Variants in GABRG3 observed in about 807,000 individuals in gnomAD.
GABRG3 encodes gamma-aminobutyric acid type A receptor subunit gamma3.
In GABRG3, 25 loss-of-function variants were observed where a neutral mutation model predicts 48.8. The observed-to-expected ratio is 0.51, with a 90% CI of 0.37 to 0.72. The LOEUF is 0.72. Among genes scored for constraint, GABRG3 ranks in the 30% least tolerant of loss-of-function variants. The probability of loss-of-function intolerance (pLI) is 0.00; values close to 1 mark genes in which losing one functional copy is unlikely to be tolerated. For synonymous variants in GABRG3, 227 were observed against 217.6 expected, an observed-to-expected ratio of 1.04 and a Z score of -0.38; for missense variants, 394 against 577.9, an observed-to-expected ratio of 0.68 and a Z score of 3.26.
chr15:27,227,403 G>T (rs1052425305), intron 3 of GABRG3, among the ~76,000 whole-genome samples: 3 of 152,060 alleles, frequency 2.0e-5, no homozygotes, highest in African/African-American at 7.2e-5. Flanking sequence ...GAGGCTGAGG[G>T]GGGAGGATCA....
At position 27,164,277 on chromosome 15, in the gene GABRG3, A is replaced by G. The variant is rs373474696; in HGVS notation, c.270+137456A>G. ...AATCCTTTGAAAATAAGTTGCAGACATTACATGTCAGTCCTGAATATTTCA... is the reference window on the plus strand; with the variant it reads ...AATCCTTTGAAAATAAGTTGCAGACGTTACATGTCAGTCCTGAATATTTCA... On this transcript the variant is annotated intron_variant, in intron 3 of 9. Transcript: ENST00000615808. Among the ~76,000 whole-genome samples the G allele has an allele frequency of 2.9e-4, 44 of 152,302 alleles. 1 individual carries two copies. The highest frequency in any genetic ancestry group is 1.0e-3 in the African/African-American group (43 of 41,568).
At chr15:27,128,652 A>G (rs1358356219) in intron 3 of GABRG3, among the ~76,000 whole-genome samples, 1 of 152,216 alleles carries the variant, frequency 6.6e-6, no homozygotes, top group Non-Finnish European at 1.5e-5. Context: ...GAACAATTTG[A>G]CACAGTTGTT....
intron 2 of GABRG3, among the ~76,000 whole-genome samples, chr15:27,021,725 C>A (rs1184055900): frequency 6.6e-6 from 1 of 152,068 alleles, no homozygotes; most frequent in Non-Finnish European, 1.5e-5. Flanking sequence ...TGCCTGTAGT[C>A]CTAGTTACTT....
At chr15:27,166,638 A>G (rs1160110948) in intron 3 of GABRG3, among the ~76,000 whole-genome samples, 1 of 152,128 alleles carries the variant, frequency 6.6e-6, no homozygotes, top group African/African-American at 2.4e-5. Flanking sequence ...AGCCACACCT[A>G]TGATGTTCCA....
At chr15:27,186,082 A>G (rs891679974) in intron 3 of GABRG3, among the ~76,000 whole-genome samples, 52 of 149,630 alleles carry the variant, frequency 3.5e-4, no homozygotes, top group African/African-American at 1.3e-3. Context: ...TAACAAAGGT[A>G]TATTGTGTGA....
intron 3 of GABRG3, among the ~76,000 whole-genome samples, chr15:27,204,021 A>C (rs752730589): frequency 2.0e-5 from 3 of 152,018 alleles, no homozygotes; most frequent in Non-Finnish European, 4.4e-5. Context: ...CTCTGTTGAC[A>C]GTTTCTTTTG....
At chr15:27,458,830 A>G (rs1889365240) in intron 5 of GABRG3, among the ~76,000 whole-genome samples, 1 of 152,242 alleles carries the variant, frequency 6.6e-6, no homozygotes, top group Non-Finnish European at 1.5e-5. Flanking sequence ...TCATCTGCCC[A>G]GTCTTCTAGA....
chr15:27,133,713 T>C (rs952860862), intron 3 of GABRG3, among the ~76,000 whole-genome samples: 5 of 152,234 alleles, frequency 3.3e-5, no homozygotes, highest in African/African-American at 1.2e-4. Flanking sequence ...AGGCAATTTG[T>C]GACAAGTTAA....
At chr15:27,009,732 G>A (rs749413564) in intron 2 of GABRG3, among the ~76,000 whole-genome samples, 1 of 152,160 alleles carries the variant, frequency 6.6e-6, no homozygotes, top group African/African-American at 2.4e-5. Context: ...CAGCCAGGAA[G>A]GTCTGGCCAT....
intron 5 of GABRG3, among the ~76,000 whole-genome samples, chr15:27,464,773 T>G (rs1889552656): frequency 6.6e-6 from 1 of 152,204 alleles, no homozygotes. Context: ...AAAAATTCTA[T>G]TTAAATTCTT....
intron 2 of GABRG3, among the ~76,000 whole-genome samples, chr15:27,004,053 C>T (rs111549651): frequency 0.29 from 42,567 of 144,956 alleles, 7,102 homozygotes; most frequent in South Asian, 0.42. Context: ...CCCTCCCGGA[C>T]GGGGCGGCTG....
intron 6 of GABRG3, among the ~76,000 whole-genome samples, chr15:27,487,057 T>C (rs1595787077): frequency 6.6e-6 from 1 of 152,196 alleles, no homozygotes; most frequent in South Asian, 2.1e-4. Context: ...TCAGTCTGGG[T>C]TTGAAAGTCA....
At chr15:27,204,903 CTT>C (rs1888804420) in intron 3 of GABRG3, among the ~76,000 whole-genome samples, 1 of 152,034 alleles carries the variant, frequency 6.6e-6, no homozygotes, top group South Asian at 2.1e-4. Context: ...TATCCTGAAA[CTT>C]TGGTGAAGTT....
intron 2 of GABRG3, among the ~76,000 whole-genome samples, chr15:27,007,287 C>G (rs1353053275): frequency 6.6e-6 from 1 of 151,892 alleles, no homozygotes. Context: ...CACCATGTTG[C>G]CCAGGCTGGT....
intron 3 of GABRG3, among the ~76,000 whole-genome samples, chr15:27,044,029 C>A (rs1040912051): frequency 1.3e-5 from 2 of 152,274 alleles, no homozygotes; most frequent in African/African-American, 4.8e-5. Flanking sequence ...CACTGGGAAA[C>A]TGGCTTTATT....
At position 27,234,106 on chromosome 15, in the gene GABRG3, T is replaced by C. The variant is rs1048897818; in HGVS notation, c.271-92703T>C. The stretch of plus-strand genomic sequence containing the variant: ...TTAAAAAATAAGGAATAAAATTCTG[T>C]AATTATGTTGAAAAGGAAACCAAAA... On this transcript the variant is annotated intron_variant, in intron 3 of 9. Coordinates refer to ENST00000615808, the MANE Select transcript of GABRG3 (RefSeq NM_033223.5). Among the ~76,000 whole-genome samples the C allele has an allele frequency of 9.2e-5, 14 of 152,350 alleles. No individual in the cohort carries two copies. In the East Asian group the frequency reaches 2.7e-3, roughly 29 times the overall value.
At chr15:26,986,039 C>T (rs916359467) in intron 2 of GABRG3, among the ~76,000 whole-genome samples, 3 of 152,160 alleles carry the variant, frequency 2.0e-5, no homozygotes, top group East Asian at 3.9e-4. Context: ...CCGGACCACC[C>T]CTCTGACTCA....
chr15:27,270,002 T>C (rs1355937866), intron 3 of GABRG3, among the ~76,000 whole-genome samples: 1 of 152,202 alleles, frequency 6.6e-6, no homozygotes, highest in African/African-American at 2.4e-5. Context: ...ATACTTCTGC[T>C]ATGTCCTCTT....
chr15:27,295,261 A>C (rs1452139195), intron 3 of GABRG3: 3 of 152,152 alleles, frequency 2.0e-5, no homozygotes, highest in Non-Finnish European at 2.9e-5. Context: ...TTAGAATGGT[A>C]CTCCAGCTTG....
Sources: gnomAD v4.1 joint callset for allele counts (sites outside exome capture counted in the v4.1 genomes callset) on GRCh38, gnomAD v4.1.1 for gene constraint, MANE v1.5 for transcripts, NCBI Gene and HGNC (gene_info 2026-07-23, HGNC 2026-07-21) for gene names.